Variants in NAV1 observed in about 807,000 individuals in gnomAD.
NAV1 encodes pore membrane and/or filament interacting like protein 3.
A neutral mutation model predicts 175.2 loss-of-function variants in NAV1; 18 were observed. The ratio of observed to expected loss-of-function variants is 0.10; its 90% CI spans 0.07 to 0.15. NAV1 has a LOEUF of 0.15. Ranked by LOEUF, NAV1 falls within the 10% of genes least tolerant of loss-of-function variation. NAV1 has a pLI of 1.00. For synonymous variants in NAV1, 897 were observed against 978.7 expected, an observed-to-expected ratio of 0.92 and a Z score of 1.56; for missense variants, 1,731 against 2,436.6, an observed-to-expected ratio of 0.71 and a Z score of 6.10.
intron 1 of NAV1, among the ~76,000 whole-genome samples, chr1:201,552,530 C>T (rs1052670211): frequency 6.6e-6 from 1 of 152,076 alleles, no homozygotes; most frequent in African/African-American, 2.4e-5. Context: ...AATGCACAGG[C>T]TTTGGAGTCA....
intron 6 of NAV1, 65 bp from the exon 11 acceptor site, chr1:201,783,341 A>G: frequency 1.4e-6 from 2 of 1,467,072 alleles, no homozygotes; most frequent in Non-Finnish European, 1.9e-6. Flanking sequence ...GATTTCTTTA[A>G]GGTCCTATCT....
intron 1 of NAV1, among the ~76,000 whole-genome samples, chr1:201,628,635 C>T (rs1350246681): frequency 6.6e-6 from 1 of 152,174 alleles, no homozygotes; most frequent in Non-Finnish European, 1.5e-5. Context: ...GCCAAGCTGC[C>T]AAAGTCTCCA....
At chr1:201,773,232 A>G (rs2102680600) in intron 3 of NAV1, among the ~76,000 whole-genome samples, 1 of 152,260 alleles carries the variant, frequency 6.6e-6, no homozygotes, top group South Asian at 2.1e-4. Flanking sequence ...AAAAATACAC[A>G]GAGACAGGGT....
intron 2 of NAV1, among the ~76,000 whole-genome samples, chr1:201,715,414 C>A (rs527579692): frequency 7.9e-5 from 12 of 152,344 alleles, no homozygotes; most frequent in Middle Eastern, 3.4e-3. Flanking sequence ...CCCACTTCGG[C>A]CACCCAAAGT....
At chr1:201,684,996 G>T (rs181152925) in intron 1 of NAV1, among the ~76,000 whole-genome samples, 1 of 148,506 alleles carries the variant, frequency 6.7e-6, no homozygotes, top group East Asian at 2.0e-4. Flanking sequence ...CCCAGTTCTG[G>T]CCGGGCGCGG....
intron 3 of NAV1, among the ~76,000 whole-genome samples, chr1:201,761,003 T>C (rs1172280520): frequency 6.6e-6 from 1 of 152,206 alleles, no homozygotes; most frequent in Non-Finnish European, 1.5e-5. Flanking sequence ...TGTTCCCTTT[T>C]GTTTGTTTTT....
chr1:201,570,882 G>A (rs1304891378), intron 1 of NAV1, among the ~76,000 whole-genome samples: 2 of 152,210 alleles, frequency 1.3e-5, no homozygotes, highest in African/African-American at 4.8e-5. Context: ...TCTACCATTA[G>A]CCCTGCAGCT....
chr1:201,621,994 G>A (rs575001155), upstream of NAV1, among the ~76,000 whole-genome samples: 1 of 152,358 alleles, frequency 6.6e-6, no homozygotes, highest in East Asian at 1.9e-4. Context: ...AGATACAAGA[G>A]AGAAGGGGAT....
chr1:201,789,867 GT>G lies in NAV1; in HGVS notation c.3219+77del, dbSNP rs1676997459. 2.8e-6 allele frequency: 4 copies of G among 1,447,664 alleles called. No individual in the cohort carries two copies. The Admixed American group carries it at 6.7e-5, about 24-fold the overall frequency. The allele number at this position is 1,447,664 out of a possible 1,614,324, so 89.7% of individuals were successfully genotyped here. A position where few individuals can be genotyped will look rare whatever the true frequency, so the allele number is the denominator to read the frequency against. On this transcript the variant is annotated intron_variant, in intron 11 of 29. Coordinates refer to ENST00000367296, the Ensembl canonical transcript of NAV1. ...CCATGCTCCCTAGAACCTCCTTGGA[GT>G]TGGGTAACTGGGCGGGGGATGGGGG...
intron 15 of NAV1, among the ~76,000 whole-genome samples, chr1:201,799,433 T>A (rs909901955): frequency 6.6e-6 from 1 of 152,258 alleles, no homozygotes; most frequent in Non-Finnish European, 1.5e-5. Context: ...ATAATGCCTA[T>A]CTTTATTTTA....
chr1:201,589,511 AGAAGAG>A (rs1558008814), intron 2 of NAV1, among the ~76,000 whole-genome samples: 1 of 152,100 alleles, frequency 6.6e-6, no homozygotes, highest in Non-Finnish European at 1.5e-5. Flanking sequence ...CGTTTTTTTG[AGAAGAG>A]GCCTTACTCA....
At chr1:201,744,308 G>GTATTTATT (rs1405768833) in intron 3 of NAV1, among the ~76,000 whole-genome samples, 62 of 132,746 alleles carry the variant, frequency 4.7e-4, no homozygotes, top group African/African-American at 1.8e-3. Flanking sequence ...GGCTATGTAT[G>GTATTTATT]TATGTATGTA....
chr1:201,549,097 TTCTTTCTTTC>T (rs1557992124), intron 1 of NAV1, among the ~76,000 whole-genome samples: 1 of 141,086 alleles, frequency 7.1e-6, no homozygotes, highest in African/African-American at 2.5e-5. Flanking sequence ...CTTTCTTTCT[TTCTTTCTTTC>T]TTTCTTTCTT....
At chr1:201,660,158 G>A (rs1199742876) in intron 1 of NAV1, among the ~76,000 whole-genome samples, 1 of 152,214 alleles carries the variant, frequency 6.6e-6, no homozygotes. Context: ...ACCCGGGAAA[G>A]AGAGTCACAA....
chr1:201,742,127 A>G (rs1045477588), intron 3 of NAV1, among the ~76,000 whole-genome samples: 1 of 152,234 alleles, frequency 6.6e-6, no homozygotes, highest in Non-Finnish European at 1.5e-5. Flanking sequence ...CACACTTCAC[A>G]TATAAAATTT....
intron 1 of NAV1, among the ~76,000 whole-genome samples, chr1:201,696,605 T>C (rs181843461): frequency 1.2e-4 from 19 of 152,310 alleles, no homozygotes; most frequent in Admixed American, 9.8e-4. Context: ...ATCTCATTCA[T>C]TGCCTGCAGT....
At chr1:201,792,234 C>T (rs1230136603) in intron 13 of NAV1, 2 of 151,882 alleles carry the variant, frequency 1.3e-5, no homozygotes, top group African/African-American at 4.8e-5. Flanking sequence ...GATGCTGGGA[C>T]TCTAGGAAGG....
chr1:201,695,416 C>G (rs114601501), intron 1 of NAV1, among the ~76,000 whole-genome samples: 2,875 of 152,286 alleles, frequency 0.019, 94 homozygotes, highest in African/African-American at 0.066. Context: ...TCCGAGGGCT[C>G]CAGCCATGCT....
Position 201,740,491 on chromosome 1 carries a change from T to G in NAV1, c.1226+21736T>G, listed in dbSNP as rs1571918697. ...TCGGGGGTCCTGGGGACCAGGCGGGTGGAAGGAGGAGGGGCTTGCAGCCCC... is the reference window on the plus strand; with the variant it reads ...TCGGGGGTCCTGGGGACCAGGCGGGGGGAAGGAGGAGGGGCTTGCAGCCCC... On this transcript the variant is annotated intron_variant, in intron 3 of 29. Coordinates refer to ENST00000367296, the Ensembl canonical transcript of NAV1. The surrounding 1 kb of genome is among the most constrained non-coding windows in gnomAD (Gnocchi z 4.7). Among the ~76,000 whole-genome samples, 1 of 149,232 alleles carries G rather than the reference T, an allele frequency of 6.7e-6. No homozygotes were observed.
Sources: allele counts gnomAD v4.1 joint callset (sites outside exome capture counted in the v4.1 genomes callset), GRCh38; gene constraint gnomAD v4.1.1; non-coding constraint Gnocchi (gnomAD v3.1); transcripts MANE v1.5; gene names NCBI Gene and HGNC (gene_info 2026-07-23, HGNC 2026-07-21).